Variants in NOS2 observed in about 807,000 individuals in gnomAD.
NOS2 encodes nitric oxide synthase 2.
Under a neutral mutation model 136.0 loss-of-function variants are expected in NOS2, and 96 were observed. That is an observed-to-expected ratio of 0.71 (90% confidence interval 0.60 to 0.84). The LOEUF is 0.84. Ranked by LOEUF, NOS2 falls within the 40% of genes least tolerant of loss-of-function variation. The pLI is 0.00. For synonymous variants in NOS2, 539 were observed against 587.5 expected (o/e 0.92, Z 1.20); for missense variants, 1,237 against 1,496.9 (o/e 0.83, Z 2.87).
intron 8 of NOS2, 55 bp downstream of exon 8, chr17:27,780,981 G>C: frequency 6.2e-7 from 1 of 1,600,802 alleles, no homozygotes; most frequent in Non-Finnish European, 8.5e-7. Flanking sequence ...TCTGTCACTC[G>C]CTCACCACGG....
At chr17:27,786,944 T>A (rs935770788) in intron 5 of NOS2, among the ~76,000 whole-genome samples, 3 of 152,206 alleles carry the variant, frequency 2.0e-5, no homozygotes, top group Non-Finnish European at 4.4e-5. Context: ...TGAGGCATAC[T>A]CAGTGCCTGA....
In NOS2 at chr17:27,798,802, C is replaced by G; in HGVS notation, c.8G>C (p.Cys3Ser). 1 of 1,605,278 alleles carries G rather than the reference C, an allele frequency of 6.2e-7. No individual in the cohort carries two copies. The highest frequency in any genetic ancestry group is 8.5e-7 in the Non-Finnish European group (1 of 1,172,028). Residue 3 changes from cysteine to serine, a missense_variant, in exon 2 of 27, where the codon TGT becomes TCT. Cys to Ser is a moderately radical substitution (Grantham distance 112, BLOSUM62 -1). This residue lies in a region of NOS2 where 440 missense variants were observed against 545.4 expected (regional missense o/e 0.81). Coordinates refer to ENST00000313735, the MANE Select transcript of NOS2 (RefSeq NM_000625.4). ...GGTCTTGAACAGAAATTTCCAAGGA[C>G]AGGCCATCTCTATGGCTTTACAAAG... is the stretch of plus-strand genomic sequence containing the variant. MA[C>S]PWKFLFKTKF...
rs1908520971 is a variant in NOS2 at position 27,772,297 on chromosome 17, T to C, written c.1704+11A>G. ...GCAGAAAAAACAACAGCCATCCCACTGAGCCAGTACCTTGGGGTTGAAGGC... is the reference window on the plus strand; with the variant it reads ...GCAGAAAAAACAACAGCCATCCCACCGAGCCAGTACCTTGGGGTTGAAGGC... On this transcript the variant is annotated intron_variant, in intron 14 of 26. Coordinates refer to ENST00000313735, the MANE Select transcript of NOS2 (RefSeq NM_000625.4). 6.2e-7 allele frequency: 1 copy of C among 1,614,056 alleles called. No individual in the cohort carries two copies. The highest frequency in any genetic ancestry group is 8.5e-7 in the Non-Finnish European group (1 of 1,180,004).
chr17:27,798,783 G>A lies in NOS2; in HGVS notation c.27C>T (p.Phe9=). 2 of 1,613,458 alleles carry A rather than the reference G, an allele frequency of 1.2e-6. No homozygotes were observed. Among genetic ancestry groups the A allele is most frequent in the Non-Finnish European group, 1.7e-6 (2 of 1,179,366 alleles). The change falls in exon 2 of 27, where the codon TTC becomes TTT. Residue 9 remains phenylalanine (F), a synonymous_variant. Transcript: ENST00000313735. The part of the protein sequence containing the change: MACPWKFL[F]KTKFHQYAMN... ...TTGCATACTGGTGGAATTTGGTCTTGAACAGAAATTTCCAAGGACAGGCCA... is the reference window on the plus strand; with the variant it reads ...TTGCATACTGGTGGAATTTGGTCTTAAACAGAAATTTCCAAGGACAGGCCA...
At chr17:27,768,174 TA>T (rs11363740) in intron 17 of NOS2, among the ~76,000 whole-genome samples, 90,802 of 151,876 alleles carry the variant, frequency 0.6, 27,377 homozygotes, top group South Asian at 0.78. Flanking sequence ...CTCAGTCCCG[TA>T]CCTGTAGCTG....
intron 11 of NOS2, among the ~76,000 whole-genome samples, chr17:27,777,820 G>A (rs149326459): frequency 2.0e-5 from 3 of 152,188 alleles, no homozygotes; most frequent in East Asian, 3.9e-4. Context: ...TGAGGCAAGC[G>A]GATCACTTGA....
chr17:27,785,678 C>T (rs2142521150), intron 5 of NOS2, among the ~76,000 whole-genome samples: 1 of 152,196 alleles, frequency 6.6e-6, no homozygotes, highest in East Asian at 1.9e-4. Flanking sequence ...TGGAGGTGGG[C>T]CAGGTGCAGC....
At position 27,760,050 on chromosome 17, in the gene NOS2, G is replaced by A. The variant is rs772991341; in HGVS notation, c.3139C>T (p.Arg1047Cys). 13 of 1,548,446 alleles carry A rather than the reference G, an allele frequency of 8.4e-6. No homozygotes were observed. Among genetic ancestry groups the A allele is most frequent in the East Asian group, 2.4e-5 (1 of 41,480 alleles). Residue 1047 changes from arginine (R) to cysteine (C), a missense_variant, in exon 25 of 27, where the codon CGC becomes TGC. Coordinates refer to ENST00000313735, the MANE Select transcript of NOS2 (RefSeq NM_000625.4). ...VLHAVHTAYS[R>C]LPGKPKVYVQ... ...TTTACCTTGGGCTTGCCAGGCAGGC[G>A]GGAATAGGCTGTGTGCACCGCATGC...
chr17:27,782,864 C>G, intron 6 of NOS2, 80 bp downstream of exon 6: 2 of 1,430,098 alleles, frequency 1.4e-6, no homozygotes, highest in Admixed American at 3.6e-5. Context: ...CTGGGCACAG[C>G]TCTGTGTGGC....
chr17:27,761,469 G>C (rs1433829599), intron 22 of NOS2, among the ~76,000 whole-genome samples: 2 of 152,178 alleles, frequency 1.3e-5, no homozygotes, highest in Non-Finnish European at 2.9e-5. Flanking sequence ...AGCAGAAACT[G>C]AGACGGGGAG....
Position 27,767,823 on chromosome 17 carries a change from C to T in NOS2, c.2049G>A (p.Thr683=), listed in dbSNP as rs201563543. 32 of 1,611,782 alleles carry T rather than the reference C, an allele frequency of 2.0e-5. No individual in the cohort carries two copies. Among genetic ancestry groups the T allele is most frequent in the Admixed American group, 8.3e-5 (5 of 60,022 alleles). Residue 683 remains threonine (T), a synonymous_variant, in exon 18 of 27, where the codon ACG becomes ACA. Transcript: ENST00000313735. Reference sequence around the variant, plus strand: ...TGTGCTGTTTGCCTCGGACATCAAACGTCTCACAGGCTGCCTGGAAGAAGG... The same window carrying T: ...TGTGCTGTTTGCCTCGGACATCAAATGTCTCACAGGCTGCCTGGAAGAAGG... ...AVQTFKAACE[T]FDVRGKQHIQ...
chr17:27,793,578 C>T (rs971431021), intron 2 of NOS2: 5 of 397,382 alleles, frequency 1.3e-5, no homozygotes, highest in Admixed American at 8.8e-5. Context: ...GACTTCGGCC[C>T]GCGGGGTACC....
At chr17:27,772,239 G>A (rs973491510) in intron 14 of NOS2, 69 bp downstream of exon 14, 75 of 1,571,336 alleles carry the variant, frequency 4.8e-5, no homozygotes, top group East Asian at 2.2e-4. Context: ...TGGGGAAACC[G>A]TTTTAACTTT....
At position 27,781,176 on chromosome 17, in the gene NOS2, A is replaced by G. The variant is rs1567639886; in HGVS notation, c.724T>C (p.Ser242Pro). Residue 242 changes from serine (S) to proline (P), a missense_variant and splice_region_variant, in exon 8 of 27, where the codon TCG (serine) becomes CCG (proline). This residue lies in a region of NOS2 where 440 missense variants were observed against 545.4 expected (regional missense o/e 0.81). Coordinates refer to ENST00000313735, the MANE Select transcript of NOS2 (RefSeq NM_000625.4). Reference protein sequence around the residue: ...RYSTNNGNIRSAITVFPQRSD... With the variant: ...RYSTNNGNIRPAITVFPQRSD... ...CGCTGGGGGAACACGGTGATGGCCG[A>G]CCTTCCCAGGACAGGAACAGTACTG... 3.1e-6 allele frequency: 5 copies of G among 1,605,468 alleles called. No individual in the cohort carries two copies. The highest frequency in any genetic ancestry group is 4.2e-6 in the Non-Finnish European group (5 of 1,179,586).
chr17:27,758,195 C>T (rs1374944054), intron 26 of NOS2, among the ~76,000 whole-genome samples: 4 of 152,142 alleles, frequency 2.6e-5, no homozygotes, highest in Admixed American at 6.5e-5. Flanking sequence ...TTCAGTTGAA[C>T]GTATGAATGT....
At chr17:27,797,263 T>A (rs1909381457) in intron 2 of NOS2, among the ~76,000 whole-genome samples, 1 of 152,210 alleles carries the variant, frequency 6.6e-6, no homozygotes, top group Non-Finnish European at 1.5e-5. Context: ...TTTTGCTCCA[T>A]CACCTCCTAA....
rs542209027 is a variant in NOS2 at position 27,783,028 on chromosome 17, C to T, written c.546G>A (p.Thr182=). 25 of 1,614,196 alleles carry T rather than the reference C, an allele frequency of 1.5e-5. No homozygotes were observed. Among genetic ancestry groups the T allele is most frequent in the African/African-American group, 4.0e-5 (3 of 75,056 alleles). The part of the protein sequence containing the change: ...EIETTGTYQL[T]GDELIFATKQ... ...TGGTGGCGAAGATGAGCTCATCTCC[C>T]GTCAGTTGGTAGGTTCCTGTTGTTT... Residue 182 remains threonine (T), a synonymous_variant, in exon 6 of 27, where the codon ACG becomes ACA. Coordinates refer to ENST00000313735, the MANE Select transcript of NOS2 (RefSeq NM_000625.4).
intron 11 of NOS2, among the ~76,000 whole-genome samples, chr17:27,777,524 G>A (rs1266776652): frequency 1.3e-5 from 2 of 152,168 alleles, no homozygotes; most frequent in Admixed American, 1.3e-4. Flanking sequence ...CAGCTCACAG[G>A]TCCCCTCCCA....
In NOS2 at chr17:27,773,220, G is replaced by A. The variant is rs1048978636; in HGVS notation, c.1500C>T (p.Val500=). The A allele has an allele frequency of 1.9e-6, 3 of 1,613,930 alleles. No homozygotes were observed. Among genetic ancestry groups the A allele is most frequent in the African/African-American group, 2.7e-5 (2 of 74,924 alleles). Residue 500 remains valine, a synonymous_variant, in exon 13 of 27, where the codon GTC becomes GTT. Coordinates refer to ENST00000313735, the MANE Select transcript of NOS2 (RefSeq NM_000625.4). Reference sequence around the variant, plus strand: ...TGGGTCTCCGCTTCTCGTCCTGCCAGACATGGGTTTTCCAGGCCTCTACCT... The same window carrying A: ...TGGGTCTCCGCTTCTCGTCCTGCCAAACATGGGTTTTCCAGGCCTCTACCT... ...YYQVEAWKTH[V]WQDEKRRPKR...
Sources: gnomAD v4.1 joint callset for allele counts (sites outside exome capture counted in the v4.1 genomes callset) on GRCh38, gnomAD v4.1.1 for gene constraint, gnomAD v4.1.1 regional missense constraint, MANE v1.5 for transcripts, NCBI Gene and HGNC (gene_info 2026-07-23, HGNC 2026-07-21) for gene names.